TRPS1: variants seen among roughly 807,000 people sequenced by gnomAD.
TRPS1 encodes the protein transcriptional repressor GATA binding 1.
In TRPS1, 6 loss-of-function variants were observed where a neutral mutation model predicts 101.2. That is an observed-to-expected ratio of 0.06 (90% CI 0.03 to 0.12). TRPS1 has a LOEUF of 0.12. Ranked by LOEUF, TRPS1 falls within the 10% of genes least tolerant of loss-of-function variation. The probability of loss-of-function intolerance (pLI) is 1.00; values close to 1 mark genes in which losing one functional copy is unlikely to be tolerated. For missense variants in TRPS1, 1,363 were observed against 1,567.0 expected, an observed-to-expected ratio of 0.87 and a Z score of 2.20; for synonymous variants, 578 against 589.8, an observed-to-expected ratio of 0.98 and a Z score of 0.29.
intron 5 of TRPS1, among the ~76,000 whole-genome samples, chr8:115,553,906 A>C (rs765493740): frequency 6.6e-5 from 10 of 152,148 alleles, no homozygotes; most frequent in South Asian, 2.1e-4. Flanking sequence ...TACAATTAAC[A>C]CTTCAATGAA....
At chr8:115,555,902 T>C (rs965524523) in intron 5 of TRPS1, among the ~76,000 whole-genome samples, 1 of 151,776 alleles carries the variant, frequency 6.6e-6, no homozygotes, top group Non-Finnish European at 1.5e-5. Flanking sequence ...GCTTGCTATG[T>C]AGTCCCAGCT....
chr8:115,434,685 A>G (rs1328711797), intron 5 of TRPS1, among the ~76,000 whole-genome samples: 3 of 152,178 alleles, frequency 2.0e-5, no homozygotes, highest in Non-Finnish European at 4.4e-5. Flanking sequence ...TCCTAGCCAT[A>G]AACATTGGTT....
intron 1 of TRPS1, among the ~76,000 whole-genome samples, chr8:115,663,250 T>A (rs1311711234): frequency 2.0e-5 from 2 of 99,848 alleles, no homozygotes; most frequent in Non-Finnish European, 3.7e-5. Context: ...TTACTTGAAC[T>A]TTTTTTTTTT....
chr8:115,648,443 C>T (rs577430373), intron 1 of TRPS1, among the ~76,000 whole-genome samples: 2 of 152,190 alleles, frequency 1.3e-5, no homozygotes, highest in Admixed American at 1.3e-4. Flanking sequence ...GCCGCAGGCC[C>T]GGGGCTCCTG....
intron 1 of TRPS1, among the ~76,000 whole-genome samples, chr8:115,630,050 C>CA (rs1187544964): frequency 6.6e-6 from 1 of 151,432 alleles, no homozygotes; most frequent in Non-Finnish European, 1.5e-5. Flanking sequence ...AGAAATAAAG[C>CA]AAAAAATAGG....
intron 5 of TRPS1, among the ~76,000 whole-genome samples, chr8:115,494,337 G>T (rs1309876248): frequency 6.6e-6 from 1 of 152,132 alleles, no homozygotes. Context: ...TAGAAAACAG[G>T]CATTCATTAA....
intron 5 of TRPS1, among the ~76,000 whole-genome samples, chr8:115,567,739 C>T (rs536796546): frequency 6.6e-6 from 1 of 152,216 alleles, no homozygotes; most frequent in South Asian, 2.1e-4. Flanking sequence ...GCACCTCTAT[C>T]AATGTGGACT....
At chr8:115,477,677 T>A (rs1295636411) in intron 5 of TRPS1, among the ~76,000 whole-genome samples, 1 of 152,204 alleles carries the variant, frequency 6.6e-6, no homozygotes, top group Non-Finnish European at 1.5e-5. Context: ...AGCTCCATAG[T>A]AGTAAGTTCC....
At chr8:115,500,414 G>A (rs1163898279) in intron 5 of TRPS1, among the ~76,000 whole-genome samples, 2 of 152,146 alleles carry the variant, frequency 1.3e-5, no homozygotes, top group African/African-American at 4.8e-5. Flanking sequence ...ATTTGTCTCA[G>A]CTGTCCACCT....
intron 5 of TRPS1, among the ~76,000 whole-genome samples, chr8:115,570,792 T>C (rs558751395): frequency 6.6e-6 from 1 of 152,076 alleles, no homozygotes; most frequent in African/African-American, 2.4e-5. Context: ...ATGAAATTGA[T>C]ACCTTAAAAT....
intron 5 of TRPS1, among the ~76,000 whole-genome samples, chr8:115,522,053 A>C (rs2130232268): frequency 6.6e-6 from 1 of 152,090 alleles, no homozygotes; most frequent in African/African-American, 2.4e-5. Context: ...GTCAACAATA[A>C]GTATGTGCTG....
chr8:115,647,174 G>A (rs542610065), intron 1 of TRPS1, among the ~76,000 whole-genome samples: 1 of 152,174 alleles, frequency 6.6e-6, no homozygotes, highest in Non-Finnish European at 1.5e-5. Flanking sequence ...CAAATTATAT[G>A]AATCAATATA....
intron 5 of TRPS1, among the ~76,000 whole-genome samples, chr8:115,458,624 CT>C (rs1471629850): frequency 2.6e-5 from 4 of 152,132 alleles, no homozygotes; most frequent in Non-Finnish European, 5.9e-5. Context: ...GCAGATGTGA[CT>C]GAGAACAAGT....
In TRPS1 at chr8:115,604,670, G is replaced by A. The variant is rs370007078; in HGVS notation, c.1299C>T (p.Leu433=). The A allele has an allele frequency of 2.1e-5, 34 of 1,613,918 alleles. No individual in the cohort carries two copies. The highest frequency in any genetic ancestry group is 1.9e-4 in the African/African-American group (14 of 74,990). ...CTGTACCATTTTGTCTAGAGGAATC[G>A]AGGGGCTTTATGGGCACTGAGTACC... ...PVGYSVPIKP[L]DSSRQNGTEA... is the part of the protein sequence containing the mutation. The change falls in exon 4 of 7, where the codon CTC becomes CTT. Residue 433 remains leucine, a synonymous_variant. Coordinates refer to ENST00000395715, the MANE Select transcript of TRPS1 (RefSeq NM_014112.5). The surrounding 1 kb of genome is among the most constrained non-coding windows in gnomAD (Gnocchi z 4.1).
In TRPS1 at chr8:115,583,100, A is replaced by G. The variant is rs567993558; in HGVS notation, c.2700+3901T>C. Among the ~76,000 whole-genome samples the G allele has an allele frequency of 3.9e-4, 60 of 152,310 alleles. 1 individual carries two copies. The highest frequency in any genetic ancestry group is 1.4e-3 in the African/African-American group (60 of 41,590). On this transcript the variant is annotated intron_variant, in intron 5 of 6. Transcript: ENST00000395715. ...ATGATCGATTTTTGGATCCTTATTC[A>G]TGTAGTTATCAGATAAAAAGCCAAG... is the stretch of plus-strand genomic sequence containing the variant.
At chr8:115,487,301 T>C (rs967009877) in intron 5 of TRPS1, among the ~76,000 whole-genome samples, 1 of 152,188 alleles carries the variant, frequency 6.6e-6, no homozygotes, top group East Asian at 1.9e-4. Flanking sequence ...TCATTGACAA[T>C]GCACCTGGTT....
intron 5 of TRPS1, among the ~76,000 whole-genome samples, chr8:115,531,496 G>A (rs965847727): frequency 6.6e-6 from 1 of 152,046 alleles, no homozygotes; most frequent in African/African-American, 2.4e-5. Context: ...AAGAAAATAG[G>A]GGATAATTTA....
At chr8:115,658,860 T>G (rs538229788) in intron 1 of TRPS1, among the ~76,000 whole-genome samples, 23 of 152,208 alleles carry the variant, frequency 1.5e-4, no homozygotes, top group African/African-American at 5.3e-4. Flanking sequence ...AGGTGCAAGA[T>G]TGTGTACACA....
chr8:115,601,205 T>G (rs978258723), intron 4 of TRPS1, among the ~76,000 whole-genome samples: 4 of 152,212 alleles, frequency 2.6e-5, no homozygotes, highest in Non-Finnish European at 5.9e-5. Flanking sequence ...CTCAAAAGCC[T>G]AGAATATTTC....
Sources: allele counts gnomAD v4.1 joint callset (sites outside exome capture counted in the v4.1 genomes callset), GRCh38; gene constraint gnomAD v4.1.1; non-coding constraint Gnocchi (gnomAD v3.1); transcripts MANE v1.5; gene names NCBI Gene and HGNC (gene_info 2026-07-23, HGNC 2026-07-21).